PTPRD: variants seen among roughly 807,000 people sequenced by gnomAD.
PTPRD encodes protein tyrosine phosphatase receptor type D.
In PTPRD, 34 loss-of-function variants were observed where a neutral mutation model predicts 214.5. That is an observed-to-expected ratio of 0.16 (90% CI 0.12 to 0.21). PTPRD has a LOEUF of 0.21. PTPRD is among the 10% of genes least tolerant of loss of function. PTPRD has a pLI of 1.00. For synonymous variants in PTPRD, 1,128 were observed against 845.7 expected, an observed-to-expected ratio of 1.33 and a Z score of -5.79; for missense variants, 2,545 against 2,398.7, an observed-to-expected ratio of 1.06 and a Z score of -1.27.
chr9:8,333,011 G>C (rs1278064192), intron 43 of PTPRD, among the ~76,000 whole-genome samples: 2 of 150,852 alleles, frequency 1.3e-5, no homozygotes, highest in Non-Finnish European at 2.9e-5. Context: ...AGAAGAGAGA[G>C]GATCTCAGTG....
At chr9:9,668,538 T>A (rs1238049311) in intron 7 of PTPRD, among the ~76,000 whole-genome samples, 1 of 151,106 alleles carries the variant, frequency 6.6e-6, no homozygotes, top group Non-Finnish European at 1.5e-5. Flanking sequence ...GATTGGCCAT[T>A]TTTTTTCCCA....
chr9:9,480,211 T>C (rs2147057951), intron 8 of PTPRD, among the ~76,000 whole-genome samples: 1 of 152,244 alleles, frequency 6.6e-6, no homozygotes, highest in African/African-American at 2.4e-5. Flanking sequence ...TCCACTGAGG[T>C]GAAGGAGATG....
chr9:10,034,404 C>G lies in PTPRD; in HGVS notation c.-544-614G>C, dbSNP rs1247485162. 1.4e-4 allele frequency among the ~76,000 whole-genome samples: 13 copies of G among 93,466 alleles called. No individual in the cohort carries two copies. In the Admixed American group the frequency reaches 1.6e-3, roughly 11 times the overall value. The allele number at this position is 93,466 out of a possible 152,430, so 61.3% of individuals were successfully genotyped here. A position where few individuals can be genotyped will look rare whatever the true frequency, so the allele number is the denominator to read the frequency against. ...TCGCACTCTGTCTCAGCTCCTGGCTCTACTTTTTTTTTTTTTTTTTTTTTT... is the reference window on the plus strand; with the variant it reads ...TCGCACTCTGTCTCAGCTCCTGGCTGTACTTTTTTTTTTTTTTTTTTTTTT... On this transcript the variant is annotated intron_variant, in intron 3 of 45. Transcript: ENST00000381196.
At chr9:10,202,331 G>C (rs879401147) in intron 3 of PTPRD, among the ~76,000 whole-genome samples, 6 of 151,766 alleles carry the variant, frequency 4.0e-5, no homozygotes, top group South Asian at 4.1e-4. Flanking sequence ...TTCAAACAGA[G>C]GCTACTGACC....
chr9:9,692,066 CTG>C (rs1392159500), intron 7 of PTPRD, among the ~76,000 whole-genome samples: 1 of 151,350 alleles, frequency 6.6e-6, no homozygotes, highest in Non-Finnish European at 1.5e-5. Context: ...TTCTCCCATT[CTG>C]TGTGTTGTCT....
intron 2 of PTPRD, among the ~76,000 whole-genome samples, chr9:10,517,623 T>G (rs952418108): frequency 1.3e-5 from 2 of 152,046 alleles, no homozygotes; most frequent in Admixed American, 1.3e-4. Flanking sequence ...TATATGAATG[T>G]ATCAATATCT....
intron 14 of PTPRD, among the ~76,000 whole-genome samples, chr9:8,597,976 T>C (rs1033599211): frequency 1.3e-5 from 2 of 152,192 alleles, no homozygotes; most frequent in Non-Finnish European, 2.9e-5. Context: ...TAATAACTTT[T>C]TATGCCATCT....
intron 11 of PTPRD, among the ~76,000 whole-genome samples, chr9:8,793,489 C>A (rs2096302191): frequency 6.6e-6 from 1 of 152,190 alleles, no homozygotes; most frequent in South Asian, 2.1e-4. Flanking sequence ...ACACAGATTC[C>A]TGACCCTCAG....
intron 5 of PTPRD, among the ~76,000 whole-genome samples, chr9:9,905,195 A>G (rs1210504079): frequency 6.6e-6 from 1 of 151,980 alleles, no homozygotes; most frequent in Non-Finnish European, 1.5e-5. Context: ...ACACATACGT[A>G]TGTATGTTTG....
At chr9:8,597,666 G>A (rs2094548103) in intron 14 of PTPRD, among the ~76,000 whole-genome samples, 1 of 152,044 alleles carries the variant, frequency 6.6e-6, no homozygotes, top group Non-Finnish European at 1.5e-5. Context: ...TCAATTTCAT[G>A]CTCACTGATG....
chr9:9,530,656 ATGT>A (rs1196778314), intron 8 of PTPRD, among the ~76,000 whole-genome samples: 3 of 152,330 alleles, frequency 2.0e-5, no homozygotes, highest in African/African-American at 4.8e-5. Flanking sequence ...GATAAAGAAA[ATGT>A]TGTGTGTCAC....
chr9:8,761,379 C>T (rs2094403428), intron 11 of PTPRD, among the ~76,000 whole-genome samples: 2 of 152,160 alleles, frequency 1.3e-5, no homozygotes, highest in African/African-American at 4.8e-5. Flanking sequence ...AACTGAAAGA[C>T]TTCTGTCTTT....
intron 44 of PTPRD, among the ~76,000 whole-genome samples, chr9:8,330,412 A>G (rs1838996996): frequency 1.3e-5 from 2 of 152,268 alleles, no homozygotes; most frequent in South Asian, 2.1e-4. Context: ...TTTTATATGC[A>G]CTGGGAAACC....
intron 5 of PTPRD, among the ~76,000 whole-genome samples, chr9:9,874,351 C>A (rs1446969144): frequency 1.3e-5 from 2 of 152,084 alleles, no homozygotes; most frequent in East Asian, 3.9e-4. Context: ...CTAAAAGTCT[C>A]TTAAAAACAA....
intron 7 of PTPRD, among the ~76,000 whole-genome samples, chr9:9,630,573 T>G (rs2154359175): frequency 6.6e-6 from 1 of 152,296 alleles, no homozygotes; most frequent in South Asian, 2.1e-4. Context: ...TAACCAAAAT[T>G]GGTGACAATT....
chr9:10,542,347 T>C (rs1248995769), intron 2 of PTPRD, among the ~76,000 whole-genome samples: 13 of 152,120 alleles, frequency 8.5e-5, no homozygotes, highest in Non-Finnish European at 1.5e-5. Flanking sequence ...TGGCTTTAAA[T>C]TGCTATGTAA....
At chr9:9,458,850 G>A (rs888208238) in intron 8 of PTPRD, among the ~76,000 whole-genome samples, 5 of 152,088 alleles carry the variant, frequency 3.3e-5, no homozygotes, top group South Asian at 2.1e-4. Context: ...TGAAGTGGAA[G>A]GATTGCTTGA....
At chr9:8,492,713 T>C (rs1297247569) in intron 27 of PTPRD, 149 bp downstream of exon 27, 13 of 460,478 alleles carry the variant, frequency 2.8e-5, no homozygotes, top group African/African-American at 1.4e-4. Context: ...ATTTTTTTTT[T>C]TTTACCCCTG....
intron 4 of PTPRD, among the ~76,000 whole-genome samples, chr9:10,014,625 T>C (rs2096664129): frequency 6.6e-6 from 1 of 151,882 alleles, no homozygotes; most frequent in Non-Finnish European, 1.5e-5. Flanking sequence ...CCTCAACAAG[T>C]CATAAATGAC....
Sources: allele counts gnomAD v4.1 joint callset (sites outside exome capture counted in the v4.1 genomes callset), GRCh38; gene constraint gnomAD v4.1.1; transcripts MANE v1.5; gene names NCBI Gene and HGNC (gene_info 2026-07-23, HGNC 2026-07-21).